The following ZFR2 variants were observed in gnomAD, a reference collection of about 807,000 sequenced individuals.
ZFR2 encodes the protein zinc finger RNA binding protein 2.
A neutral mutation model predicts 105.7 loss-of-function variants in ZFR2; 104 were observed. That is an observed-to-expected ratio of 0.98 (90% CI 0.84 to 1.16). ZFR2 has a LOEUF of 1.16. ZFR2 is among the 50% of genes most tolerant of loss of function. ZFR2 has a pLI of 0.00. For missense variants in ZFR2, 1,425 were observed against 1,355.5 expected (o/e 1.05, Z -0.80); for synonymous variants, 634 against 597.7 (o/e 1.06, Z -0.89).
At chr19:3,856,065 A>G (rs2038297008) in intron 1 of ZFR2, among the ~76,000 whole-genome samples, 2 of 152,044 alleles carry the variant, frequency 1.3e-5, no homozygotes, top group South Asian at 4.1e-4. Context: ...GGTCCAAAAT[A>G]CAGACGAGGC....
At position 3,838,106 on chromosome 19, in the gene ZFR2, CGTGACACTCGATGAACACCGTGACT is replaced by C. The variant is rs2038097196; in HGVS notation, c.54-3148_54-3124del. On this transcript the variant is annotated intron_variant, in intron 1 of 18. Coordinates refer to ENST00000262961, the MANE Select transcript of ZFR2 (RefSeq NM_015174.2). This position sits in a 1 kb window ranked among gnomAD's most constrained non-coding sequence, Gnocchi z 4.9. ...CGTGACACGCGATGAACACCGTGAC[CGTGACACTCGATGAACACCGTGACT>C]GTGACACACAATGAACACCGTGACT... 6.9e-6 allele frequency among the ~76,000 whole-genome samples: 1 copy of C among 144,658 alleles called. No homozygotes were observed. The highest frequency in any genetic ancestry group is 1.5e-5 in the Non-Finnish European group (1 of 66,874). The allele number at this position is 144,658 out of a possible 152,430, so 94.9% of individuals were successfully genotyped here.
chr19:3,812,684 G>C (rs2037778638), intron 14 of ZFR2, among the ~76,000 whole-genome samples: 1 of 152,022 alleles, frequency 6.6e-6, no homozygotes, highest in Non-Finnish European at 1.5e-5. Flanking sequence ...TCCCCACACT[G>C]TACTTAGTTT....
chr19:3,818,980 G>C (rs75844484), intron 12 of ZFR2, 65 bp downstream of exon 12: 8 of 1,551,124 alleles, frequency 5.2e-6, no homozygotes, highest in East Asian at 2.3e-5. Context: ...GCAGGGTCTC[G>C]TCCCGAGGAG....
intron 1 of ZFR2, among the ~76,000 whole-genome samples, chr19:3,859,033 G>A (rs1309148323): frequency 2.6e-5 from 4 of 152,054 alleles, no homozygotes; most frequent in Non-Finnish European, 5.9e-5. Flanking sequence ...TGTCTGTGAG[G>A]GTGTTGCCAA....
intron 15 of ZFR2, 52 bp downstream of exon 15, chr19:3,811,220 T>C: frequency 6.8e-7 from 1 of 1,480,116 alleles, no homozygotes; most frequent in Non-Finnish European, 9.0e-7. Context: ...GCCTCTGAGC[T>C]ACGTTCCTCA....
intron 17 of ZFR2, among the ~76,000 whole-genome samples, chr19:3,808,076 T>C (rs2037720845): frequency 8.1e-6 from 1 of 123,218 alleles, no homozygotes; most frequent in Non-Finnish European, 1.6e-5. Flanking sequence ...TGCCCGTGTG[T>C]GCAAGTACAT....
At chr19:3,859,272 C>G (rs1030555584) in intron 1 of ZFR2, among the ~76,000 whole-genome samples, 14 of 152,222 alleles carry the variant, frequency 9.2e-5, no homozygotes, top group Non-Finnish European at 1.5e-5. Flanking sequence ...TGGGCTTACA[C>G]CAGCAGTTGG....
At chr19:3,811,566 T>G (rs780265169) in intron 14 of ZFR2, among the ~76,000 whole-genome samples, 200 bp from the exon 15 acceptor site, 12 of 151,854 alleles carry the variant, frequency 7.9e-5, no homozygotes, top group Non-Finnish European at 1.5e-4. Flanking sequence ...GTGATTCTCC[T>G]GCCTCAGCCT....
In ZFR2 at chr19:3,838,896, G is replaced by T. The variant is rs536497058; in HGVS notation, c.54-3913C>A. The stretch of plus-strand genomic sequence containing the variant: ...CTGCCCAGCTGTCTCCCGGGGCCGC[G>T]GCACGTGGCATGCAGCAGGGGCTCC... On this transcript the variant is annotated intron_variant, in intron 1 of 18. Coordinates refer to ENST00000262961, the MANE Select transcript of ZFR2 (RefSeq NM_015174.2). This position sits in a 1 kb window ranked among gnomAD's most constrained non-coding sequence, Gnocchi z 4.9. Among the ~76,000 whole-genome samples the T allele has an allele frequency of 6.6e-6, 1 of 152,146 alleles. No homozygotes were observed. The highest frequency in any genetic ancestry group is 1.5e-5 in the Non-Finnish European group (1 of 68,046).
chr19:3,832,091 G>T (rs555590934), intron 3 of ZFR2, among the ~76,000 whole-genome samples: 2 of 152,250 alleles, frequency 1.3e-5, no homozygotes, highest in South Asian at 2.1e-4. Context: ...CTGCCATGGG[G>T]GAGGAGGGCT....
At chr19:3,867,205 G>T (rs1351980098) in intron 1 of ZFR2, among the ~76,000 whole-genome samples, 1 of 152,012 alleles carries the variant, frequency 6.6e-6, no homozygotes. Context: ...GGGGTGGTTT[G>T]TATCTGTGGG....
intron 1 of ZFR2, among the ~76,000 whole-genome samples, chr19:3,863,189 G>A (rs1396551451): frequency 1.3e-5 from 2 of 152,212 alleles, no homozygotes; most frequent in African/African-American, 4.8e-5. Context: ...GGTCGGTTCT[G>A]AAGCCGGTTG....
chr19:3,866,721 G>A (rs2060249), intron 1 of ZFR2, among the ~76,000 whole-genome samples: 21,939 of 152,146 alleles, frequency 0.14, 2,641 homozygotes, highest in African/African-American at 0.33. Context: ...CAGGCAGAGG[G>A]GTGGAGTGTG....
At chr19:3,816,243 C>T (rs1189565687) in intron 13 of ZFR2, among the ~76,000 whole-genome samples, 2 of 115,068 alleles carry the variant, frequency 1.7e-5, no homozygotes, top group African/African-American at 3.4e-5. Context: ...CTTCTTGTAT[C>T]TTTTTTTTTT....
At chr19:3,859,472 C>T (rs937568525) in intron 1 of ZFR2, among the ~76,000 whole-genome samples, 8 of 152,210 alleles carry the variant, frequency 5.3e-5, no homozygotes, top group African/African-American at 1.9e-4. Flanking sequence ...TTCATGGAGA[C>T]CTCTATCCTG....
At chr19:3,817,701 A>C (rs873283) in intron 12 of ZFR2, among the ~76,000 whole-genome samples, 28,202 of 145,912 alleles carry the variant, frequency 0.19, 2,946 homozygotes, top group East Asian at 0.31. Context: ...GGTTGCTGTG[A>C]GCCGAGATCG....
At chr19:3,822,543 C>T (rs984276210) in intron 8 of ZFR2, among the ~76,000 whole-genome samples, 1 of 151,018 alleles carries the variant, frequency 6.6e-6, no homozygotes, top group Admixed American at 6.6e-5. Flanking sequence ...CCCATCTCTA[C>T]AAAAAAAATA....
chr19:3,808,409 ATG>A (rs2037726602), intron 17 of ZFR2, among the ~76,000 whole-genome samples: 1 of 152,228 alleles, frequency 6.6e-6, no homozygotes, highest in African/African-American at 2.4e-5. Flanking sequence ...ACCCTCTCAC[ATG>A]TGTGTCCTGG....
intron 1 of ZFR2, among the ~76,000 whole-genome samples, chr19:3,835,470 C>T (rs566492674): frequency 1.8e-4 from 27 of 149,482 alleles, no homozygotes; most frequent in Admixed American, 2.7e-4. Context: ...GGACTACAGG[C>T]GCCCACCACC....
Sources: gnomAD v4.1 joint callset for allele counts (sites outside exome capture counted in the v4.1 genomes callset) on GRCh38, gnomAD v4.1.1 for gene constraint, Gnocchi (gnomAD v3.1) non-coding constraint, MANE v1.5 for transcripts, NCBI Gene and HGNC (gene_info 2026-07-23, HGNC 2026-07-21) for gene names.